The following SLC35F4 variants were observed in gnomAD, a reference collection of about 807,000 sequenced individuals.
The protein encoded by SLC35F4 is chromosome 14 open reading frame 36.
A neutral mutation model predicts 44.2 loss-of-function variants in SLC35F4; 24 were observed. That is an observed-to-expected ratio of 0.54 (90% CI 0.39 to 0.76). The LOEUF (loss-of-function observed/expected upper bound fraction) is 0.76, where lower values mean the gene tolerates loss of function less well. Among genes scored for constraint, SLC35F4 ranks in the 30% least tolerant of loss-of-function variants. The probability of loss-of-function intolerance (pLI) is 0.00; values close to 1 mark genes in which losing one functional copy is unlikely to be tolerated. For synonymous variants in SLC35F4, 238 were observed against 223.6 expected (o/e 1.06, Z -0.57); for missense variants, 562 against 586.1 (o/e 0.96, Z 0.42).
intron 3 of SLC35F4, among the ~76,000 whole-genome samples, chr14:57,585,033 CTCAAATAG>C (rs1284458985): frequency 6.6e-6 from 1 of 152,172 alleles, no homozygotes; most frequent in Admixed American, 6.5e-5. Context: ...CTTTAGTAAT[CTCAAATAG>C]TCATAGGGCT....
chr14:57,835,709 C>T (rs1233856834), intron 1 of SLC35F4, among the ~76,000 whole-genome samples: 1 of 152,216 alleles, frequency 6.6e-6, no homozygotes, highest in Non-Finnish European at 1.5e-5. Context: ...CCAAACTCAA[C>T]ATGCCTAAAA....
At chr14:57,814,839 G>A (rs1044721983) in intron 1 of SLC35F4, among the ~76,000 whole-genome samples, 3 of 152,112 alleles carry the variant, frequency 2.0e-5, no homozygotes, top group Non-Finnish European at 2.9e-5. Context: ...TTCTTTCATG[G>A]AACCCTTAGA....
intron 1 of SLC35F4, among the ~76,000 whole-genome samples, chr14:57,722,703 G>A (rs773087301): frequency 1.3e-5 from 2 of 152,194 alleles, no homozygotes; most frequent in Non-Finnish European, 2.9e-5. Flanking sequence ...GTAGAGCTCT[G>A]GCATTGGCTA....
At chr14:57,690,657 G>A (rs998442451) in intron 1 of SLC35F4, among the ~76,000 whole-genome samples, 2 of 151,678 alleles carry the variant, frequency 1.3e-5, no homozygotes, top group Non-Finnish European at 2.9e-5. Flanking sequence ...TCACCATAAC[G>A]CAGAATCAGT....
At chr14:57,849,887 A>G (rs1014180685) in intron 1 of SLC35F4, among the ~76,000 whole-genome samples, 2 of 152,156 alleles carry the variant, frequency 1.3e-5, no homozygotes, top group African/African-American at 4.8e-5. Flanking sequence ...AAAAGAATAC[A>G]CACACACACC....
At chr14:57,878,723 C>A in intron 1 of SLC35F4, among the ~76,000 whole-genome samples, 1 of 151,988 alleles carries the variant, frequency 6.6e-6, no homozygotes, top group African/African-American at 2.4e-5. Context: ...CAAGGACAAC[C>A]GCATTTTTTT....
At chr14:57,737,652 A>G (rs536485133) in intron 1 of SLC35F4, among the ~76,000 whole-genome samples, 38 of 152,318 alleles carry the variant, frequency 2.5e-4, no homozygotes, top group African/African-American at 8.7e-4. Flanking sequence ...ATTCTGACAT[A>G]TCCTCTCTCT....
chr14:57,655,012 TC>T (rs1229321098), intron 1 of SLC35F4, among the ~76,000 whole-genome samples: 1 of 152,148 alleles, frequency 6.6e-6, no homozygotes, highest in Non-Finnish European at 1.5e-5. Flanking sequence ...GTGGCGTGAC[TC>T]CTCAGAGCTT....
At chr14:57,568,844 G>T (rs1284037596) in intron 6 of SLC35F4, among the ~76,000 whole-genome samples, 1 of 152,150 alleles carries the variant, frequency 6.6e-6, no homozygotes, top group African/African-American at 2.4e-5. Context: ...TGAGTAGCAC[G>T]TGGAAATAGA....
At chr14:57,801,434 G>A (rs773236871) in intron 1 of SLC35F4, among the ~76,000 whole-genome samples, 15 of 152,268 alleles carry the variant, frequency 9.9e-5, no homozygotes, top group Non-Finnish European at 1.6e-4. Context: ...ACAGACCAGT[G>A]ACACTGCAAA....
At chr14:57,974,934 G>C (rs185644645), downstream of SLC35F4, among the ~76,000 whole-genome samples, 1 of 152,108 alleles carries the variant, frequency 6.6e-6, no homozygotes, top group Non-Finnish European at 1.5e-5. Flanking sequence ...ATGCCTCAGA[G>C]GCTGACTTTT....
At chr14:57,896,330 C>T (rs1430581368) in intron 1 of SLC35F4, among the ~76,000 whole-genome samples, 3 of 152,134 alleles carry the variant, frequency 2.0e-5, no homozygotes, top group South Asian at 2.1e-4. Flanking sequence ...CATAGACATA[C>T]TTTTATGAAG....
intron 1 of SLC35F4, among the ~76,000 whole-genome samples, chr14:57,679,132 C>A (rs948912029): frequency 6.6e-6 from 1 of 151,950 alleles, no homozygotes; most frequent in African/African-American, 2.4e-5. Context: ...AAGTAAAACA[C>A]TCCTCTGCAA....
intron 1 of SLC35F4, among the ~76,000 whole-genome samples, chr14:57,716,213 C>T (rs186226839): frequency 2.2e-4 from 33 of 152,150 alleles, no homozygotes; most frequent in South Asian, 1.9e-3. Context: ...TAAGTAAACC[C>T]TTCTGAAGTC....
intron 1 of SLC35F4, among the ~76,000 whole-genome samples, chr14:57,927,991 A>T (rs10047820): frequency 0.035 from 5,309 of 151,752 alleles, 322 homozygotes; most frequent in African/African-American, 0.12. Flanking sequence ...TGGGTTTTAC[A>T]TTTAAATTTG....
intron 1 of SLC35F4, among the ~76,000 whole-genome samples, chr14:57,898,370 G>A (rs1403419906): frequency 6.6e-6 from 1 of 152,210 alleles, no homozygotes; most frequent in East Asian, 1.9e-4. Context: ...TTAGGTTTAG[G>A]ACATACAACG....
At chr14:57,948,142 T>C (rs1001060365) in intron 1 of SLC35F4, among the ~76,000 whole-genome samples, 4 of 152,168 alleles carry the variant, frequency 2.6e-5, no homozygotes, top group African/African-American at 9.6e-5. Context: ...CTGATAAAAT[T>C]CAACTGTGAA....
intron 1 of SLC35F4, among the ~76,000 whole-genome samples, chr14:57,900,832 A>T (rs1769872684): frequency 6.6e-6 from 1 of 152,226 alleles, no homozygotes; most frequent in African/African-American, 2.4e-5. Context: ...TTTACAAGAA[A>T]AAAAACCCAT....
chr14:57,632,676 T>A (rs1392201560), intron 1 of SLC35F4, among the ~76,000 whole-genome samples: 1 of 152,080 alleles, frequency 6.6e-6, no homozygotes, highest in African/African-American at 2.4e-5. Context: ...TAGTTTACAT[T>A]AGGGTTCACT....
Sources: gnomAD v4.1 joint callset for allele counts (sites outside exome capture counted in the v4.1 genomes callset) on GRCh38, gnomAD v4.1.1 for gene constraint, MANE v1.5 for transcripts, NCBI Gene and HGNC (gene_info 2026-07-23, HGNC 2026-07-21) for gene names.